The following DCC variants were observed in gnomAD, a reference collection of about 807,000 sequenced individuals.
The protein encoded by DCC is netrin receptor DCC.
In DCC, 58 loss-of-function variants were observed where a neutral mutation model predicts 172.5. The ratio of observed to expected loss-of-function variants is 0.34; its 90% CI spans 0.27 to 0.42. DCC has a LOEUF of 0.42. Among genes scored for constraint, DCC ranks in the 10% least tolerant of loss-of-function variants. DCC has a pLI of 1.00. For missense variants in DCC, 1,740 were observed against 1,791.0 expected, an observed-to-expected ratio of 0.97 and a Z score of 0.51; for synonymous variants, 709 against 644.5, an observed-to-expected ratio of 1.10 and a Z score of -1.52.
At chr18:52,539,755 A>G (rs755121022) in intron 1 of DCC, among the ~76,000 whole-genome samples, 5 of 152,246 alleles carry the variant, frequency 3.3e-5, no homozygotes, top group Non-Finnish European at 7.3e-5. Flanking sequence ...CTTAGAGAGT[A>G]GACTTTGAGT....
chr18:52,779,282 C>A (rs904024991), intron 2 of DCC, among the ~76,000 whole-genome samples: 20 of 152,100 alleles, frequency 1.3e-4, no homozygotes, highest in Non-Finnish European at 2.8e-4. Context: ...TTAGGTATTT[C>A]TCCTAATCCT....
chr18:52,624,597 A>G (rs1163003639), intron 1 of DCC, among the ~76,000 whole-genome samples: 1 of 152,236 alleles, frequency 6.6e-6, no homozygotes, highest in Non-Finnish European at 1.5e-5. Flanking sequence ...TTTAGTGATC[A>G]AAATATATGT....
At chr18:53,180,150 C>T (rs138840802) in intron 9 of DCC, among the ~76,000 whole-genome samples, 1 of 152,210 alleles carries the variant, frequency 6.6e-6, no homozygotes, top group East Asian at 1.9e-4. Context: ...TTTAAATCAG[C>T]AAGTCGAAGA....
chr18:52,946,453 G>C (rs1372707222), intron 5 of DCC, among the ~76,000 whole-genome samples: 1 of 151,982 alleles, frequency 6.6e-6, no homozygotes, highest in Admixed American at 6.6e-5. Context: ...CTAAAACTTA[G>C]CAACTTAAAA....
At chr18:52,872,997 C>G (rs899098897) in intron 2 of DCC, among the ~76,000 whole-genome samples, 2 of 152,122 alleles carry the variant, frequency 1.3e-5, no homozygotes, top group Non-Finnish European at 2.9e-5. Context: ...TAAATTATCC[C>G]AGATAAACTG....
chr18:53,105,612 G>A (rs1376964444), intron 7 of DCC, among the ~76,000 whole-genome samples: 1 of 151,982 alleles, frequency 6.6e-6, no homozygotes, highest in Non-Finnish European at 1.5e-5. Flanking sequence ...AAAGGATTGT[G>A]ATTTTATTCA....
chr18:52,970,770 AAC>A (rs1703515211), intron 5 of DCC, among the ~76,000 whole-genome samples: 1 of 152,204 alleles, frequency 6.6e-6, no homozygotes, highest in Non-Finnish European at 1.5e-5. Context: ...CATGATGAAT[AAC>A]ACAATTCCAT....
At chr18:52,409,493 C>A (rs956422504) in intron 1 of DCC, among the ~76,000 whole-genome samples, 2 of 151,976 alleles carry the variant, frequency 1.3e-5, no homozygotes, top group Non-Finnish European at 2.9e-5. Flanking sequence ...TTTATTATTC[C>A]CCTTCGAAAG....
chr18:52,408,510 T>C (rs1986733091), intron 1 of DCC, among the ~76,000 whole-genome samples: 1 of 152,060 alleles, frequency 6.6e-6, no homozygotes, highest in Non-Finnish European at 1.5e-5. Context: ...ATTCCTGATG[T>C]GGACCATAAA....
Position 52,659,702 on chromosome 18 carries a change from G to A in DCC, c.92-92352G>A, listed in dbSNP as rs149262010. Among the ~76,000 whole-genome samples the A allele has an allele frequency of 1.9e-3, 283 of 151,994 alleles. 1 individual carries two copies. Among genetic ancestry groups the A allele is most frequent in the African/African-American group, 6.4e-3 (266 of 41,456 alleles). ...TTACTACAACTCAACAAATGCTTTC[G>A]AACCACTGAACCCAATACATTTTTT... is the stretch of plus-strand genomic sequence containing the variant. On this transcript the variant is annotated intron_variant, in intron 1 of 28. Transcript: ENST00000442544.
chr18:52,394,842 G>A (rs1986159021), intron 1 of DCC, among the ~76,000 whole-genome samples: 1 of 152,058 alleles, frequency 6.6e-6, no homozygotes, highest in Non-Finnish European at 1.5e-5. Flanking sequence ...GCATCAGAGA[G>A]CAGCTCAAAT....
At chr18:52,622,235 C>A (rs2034493351) in intron 1 of DCC, among the ~76,000 whole-genome samples, 1 of 152,102 alleles carries the variant, frequency 6.6e-6, no homozygotes, top group Admixed American at 6.5e-5. Flanking sequence ...ATAAGAATGT[C>A]CAAGGTTCTG....
At chr18:53,261,156 G>C (rs2056593847) in intron 12 of DCC, among the ~76,000 whole-genome samples, 1 of 152,272 alleles carries the variant, frequency 6.6e-6, no homozygotes, top group South Asian at 2.1e-4. Context: ...CTTCCCGGGT[G>C]AGGTGATGCC....
chr18:53,296,515 C>T, intron 12 of DCC, among the ~76,000 whole-genome samples: 1 of 152,278 alleles, frequency 6.6e-6, no homozygotes, highest in East Asian at 1.9e-4. Context: ...CAGGGTCACA[C>T]ACTGACCAGA....
intron 1 of DCC, among the ~76,000 whole-genome samples, chr18:52,366,672 C>A (rs188740243): frequency 8.0e-4 from 121 of 151,430 alleles, no homozygotes; most frequent in African/African-American, 2.7e-3. Flanking sequence ...CTGAGCCAGA[C>A]ATAAAGGTTC....
chr18:53,344,348 G>A (rs1230309816), intron 15 of DCC, among the ~76,000 whole-genome samples: 3 of 150,302 alleles, frequency 2.0e-5, no homozygotes, highest in African/African-American at 7.3e-5. Flanking sequence ...TTCTCCCTAA[G>A]TTATTTAGCA....
In DCC at chr18:53,428,212, GTATATATAATTATAATTA is replaced by G. The variant is rs1365842024; in HGVS notation, c.3164-6919_3164-6902del. Among the ~76,000 whole-genome samples the G allele has an allele frequency of 2.3e-3, 49 of 21,488 alleles. 12 individuals are homozygous for G. Among genetic ancestry groups the G allele is most frequent in the Non-Finnish European group, 4.9e-3 (40 of 8,090 alleles). 14.1% of individuals were successfully genotyped at this position (21,488 alleles called of 152,430 possible). A position where few individuals can be genotyped will look rare whatever the true frequency, so the allele number is the denominator to read the frequency against. Reference sequence around the variant, plus strand: ...ATAGAATATATAATATTATATATAAGTATATATAATTATAATTATATATATAATTAATTATATATTTAA... The same window carrying G: ...ATAGAATATATAATATTATATATAAGTATATATAATTAATTATATATTTAA... On this transcript the variant is annotated intron_variant, in intron 21 of 28. Coordinates refer to ENST00000442544, the MANE Select transcript of DCC (RefSeq NM_005215.4).
At chr18:53,134,124 T>C (rs1304441758) in intron 7 of DCC, among the ~76,000 whole-genome samples, 1 of 152,208 alleles carries the variant, frequency 6.6e-6, no homozygotes, top group African/African-American at 2.4e-5. Context: ...CTTTAGAATG[T>C]CTGCATTTTA....
intron 17 of DCC, among the ~76,000 whole-genome samples, chr18:53,394,207 C>T (rs1237438431): frequency 6.6e-6 from 1 of 152,164 alleles, no homozygotes; most frequent in African/African-American, 2.4e-5. Context: ...GAAACTTAAC[C>T]TGCTCAGTCT....
Sources: allele counts gnomAD v4.1 joint callset (sites outside exome capture counted in the v4.1 genomes callset), GRCh38; gene constraint gnomAD v4.1.1; transcripts MANE v1.5; gene names NCBI Gene and HGNC (gene_info 2026-07-23, HGNC 2026-07-21).